Variants in RBM38 observed in about 807,000 individuals in gnomAD.
RBM38 encodes RNA-binding protein 38.
Under a neutral mutation model 23.5 loss-of-function variants are expected in RBM38, and 11 were observed. The ratio of observed to expected loss-of-function variants is 0.47; its 90% CI spans 0.29 to 0.77. The LOEUF (loss-of-function observed/expected upper bound fraction) is 0.77, where lower values mean the gene tolerates loss of function less well. Among genes scored for constraint, RBM38 ranks in the 30% least tolerant of loss-of-function variants. The pLI, the probability that RBM38 is intolerant of heterozygous loss-of-function variation, is 0.08. For missense variants in RBM38, 330 were observed against 351.9 expected (o/e 0.94, Z 0.50); for synonymous variants, 165 against 166.1 (o/e 0.99, Z 0.05).
intron 3 of RBM38, chr20:57,399,888 G>A (rs985849807): frequency 3.7e-5 from 17 of 456,250 alleles, no homozygotes; most frequent in African/African-American, 2.4e-4. Flanking sequence ...AGCAGGGAAA[G>A]TGAAATGGGC....
intron 3 of RBM38, among the ~76,000 whole-genome samples, chr20:57,399,161 T>G (rs1162378526): frequency 6.6e-6 from 1 of 152,086 alleles, no homozygotes; most frequent in Non-Finnish European, 1.5e-5. Context: ...CCGGGGAGGC[T>G]CAGGGCCCGA....
Position 57,408,625 on chromosome 20 carries a change from C to T in RBM38, c.*779C>T, listed in dbSNP as rs755400677. The T allele has an allele frequency of 2.0e-5, 3 of 152,114 alleles. No homozygotes were observed. Among genetic ancestry groups the T allele is most frequent in the African/African-American group, 7.2e-5 (3 of 41,408 alleles). The allele number at this position is 152,114 out of a possible 1,614,324, so 9.4% of individuals were successfully genotyped here. ...GAGACTTGCTTTTGTTGGTTCCGCCCGTGGAGACGACGATAGTGTTTCTGT... is the reference window on the plus strand; with the variant it reads ...GAGACTTGCTTTTGTTGGTTCCGCCTGTGGAGACGACGATAGTGTTTCTGT... On this transcript the variant is annotated 3_prime_UTR_variant, in exon 4 of 4. Coordinates refer to ENST00000356208, the MANE Select transcript of RBM38 (RefSeq NM_017495.6).
At chr20:57,406,867 A>G (rs1600760037) in intron 3 of RBM38, among the ~76,000 whole-genome samples, 1 of 151,824 alleles carries the variant, frequency 6.6e-6, no homozygotes, top group Admixed American at 6.6e-5. Flanking sequence ...GGTGGCGGGC[A>G]CCTGTAGTCC....
chr20:57,402,637 G>A (rs11905472), intron 3 of RBM38, among the ~76,000 whole-genome samples: 1 of 152,262 alleles, frequency 6.6e-6, no homozygotes, highest in East Asian at 1.9e-4. Flanking sequence ...TGAGCATGGC[G>A]TGTGAGTGGG....
chr20:57,408,105 C>G lies in RBM38; in HGVS notation c.*259C>G, dbSNP rs1055542785. ...TATTTAAAGACGCAATCCCAGGTTC[C>G]TTGCACACCATGGCAGCCTCTCCTT... On this transcript the variant is annotated 3_prime_UTR_variant, in exon 4 of 4. Coordinates refer to ENST00000356208, the MANE Select transcript of RBM38 (RefSeq NM_017495.6). 3.6e-6 allele frequency: 2 copies of G among 550,354 alleles called. No individual in the cohort carries two copies. The highest frequency in any genetic ancestry group is 6.5e-6 in the Non-Finnish European group (2 of 306,006). 34.1% of individuals were successfully genotyped at this position (550,354 alleles called of 1,614,324 possible). A position where few individuals can be genotyped will look rare whatever the true frequency, so the allele number is the denominator to read the frequency against.
intron 2 of RBM38, 139 bp downstream of exon 2, chr20:57,392,916 C>A: frequency 1.7e-6 from 2 of 1,159,742 alleles, no homozygotes; most frequent in Non-Finnish European, 2.4e-6. Flanking sequence ...CGGCACAGGG[C>A]AGCCATCCCC....
Position 57,401,495 on chromosome 20 carries a change from C to G in RBM38, c.417-6048C>G, listed in dbSNP as rs2067327778. On this transcript the variant is annotated intron_variant, in intron 3 of 3. Transcript: ENST00000356208. The stretch of plus-strand genomic sequence containing the variant: ...AAGCAGAGGCCATTCCACGGGGGGG[C>G]TCTTTTGCCTCCCAGCTACCTGCAA... Among the ~76,000 whole-genome samples the G allele has an allele frequency of 2.0e-5, 3 of 152,312 alleles. No individual in the cohort carries two copies. The South Asian group carries it at 6.2e-4, about 32-fold the overall frequency.
intron 3 of RBM38, among the ~76,000 whole-genome samples, chr20:57,403,966 G>A (rs1020050497): frequency 4.6e-5 from 7 of 152,180 alleles, no homozygotes; most frequent in East Asian, 1.9e-4. Context: ...GGCCCTTTAC[G>A]TACAGAAAGA....
At chr20:57,400,862 C>T (rs6025532) in intron 3 of RBM38, among the ~76,000 whole-genome samples, 18,331 of 152,108 alleles carry the variant, frequency 0.12, 3,531 homozygotes, top group African/African-American at 0.41. Context: ...GAAGGAGGCT[C>T]CTGCCCTCTC....
chr20:57,393,602 G>A (rs1056981525), intron 3 of RBM38, among the ~76,000 whole-genome samples: 6 of 152,322 alleles, frequency 3.9e-5, no homozygotes, highest in African/African-American at 1.4e-4. Flanking sequence ...TTCCTCACCC[G>A]TAAAATGGGA....
At chr20:57,404,725 T>C (rs2067364040) in intron 3 of RBM38, among the ~76,000 whole-genome samples, 1 of 152,198 alleles carries the variant, frequency 6.6e-6, no homozygotes, top group African/African-American at 2.4e-5. Context: ...GACAGAGCCA[T>C]CTCCCTGACA....
intron 2 of RBM38, 110 bp downstream of exon 2, chr20:57,392,887 T>G: frequency 6.9e-7 from 1 of 1,440,700 alleles, no homozygotes; most frequent in Non-Finnish European, 9.4e-7. Flanking sequence ...GGCAGTCGGC[T>G]ATCATGTGCC....
intron 3 of RBM38, among the ~76,000 whole-genome samples, chr20:57,399,229 C>T (rs963110130): frequency 7.2e-5 from 11 of 152,210 alleles, no homozygotes; most frequent in Non-Finnish European, 1.3e-4. Context: ...TGCTACATTC[C>T]TCCAAGTGAC....
At chr20:57,405,349 C>A (rs763135961) in intron 3 of RBM38, among the ~76,000 whole-genome samples, 2 of 152,224 alleles carry the variant, frequency 1.3e-5, no homozygotes, top group Admixed American at 6.5e-5. Flanking sequence ...GAATTCAAAC[C>A]CAGGCCTGGC....
chr20:57,401,752 G>A (rs566995086), intron 3 of RBM38, among the ~76,000 whole-genome samples: 9 of 152,322 alleles, frequency 5.9e-5, no homozygotes, highest in South Asian at 4.1e-4. Context: ...GGAAGGAGTC[G>A]AATCTGGGAA....
rs1040787781 is a variant in RBM38 at position 57,404,599 on chromosome 20, C to T, written c.417-2944C>T. 1.2e-4 allele frequency among the ~76,000 whole-genome samples: 18 copies of T among 152,256 alleles called. No individual in the cohort carries two copies. The Middle Eastern group carries it at 0.014, about 115-fold the overall frequency. On this transcript the variant is annotated intron_variant, in intron 3 of 3. Coordinates refer to ENST00000356208, the MANE Select transcript of RBM38 (RefSeq NM_017495.6). ...TCTGGGGCCCCCTGCCTCCGCTGGC[C>T]AGAGCTCCTCATCCTTCTCAGTGGG...
chr20:57,391,683 C>G lies in RBM38; in HGVS notation c.102C>G (p.Thr34=). The G allele has an allele frequency of 6.6e-7, 1 of 1,514,892 alleles. No homozygotes were observed. The highest frequency in any genetic ancestry group is 8.9e-7 in the Non-Finnish European group (1 of 1,128,934). 93.8% of individuals were successfully genotyped at this position (1,514,892 alleles called of 1,614,324 possible). ...MHGSQKDTTF[T]KIFVGGLPYH... ...GCTCGCAGAAGGACACCACGTTCAC[C>G]AAGATCTTCGTGGGCGGCCTGCCGT... Residue 34 remains threonine (T), a synonymous_variant, in exon 1 of 4, where the codon ACC becomes ACG. Transcript: ENST00000356208.
intron 2 of RBM38, 163 bp from the exon 3 acceptor site, chr20:57,393,116 T>C: frequency 1.4e-6 from 1 of 728,726 alleles, no homozygotes; most frequent in Non-Finnish European, 2.4e-6. Context: ...ACTTCAGCGG[T>C]GTGCCTTGGG....
Position 57,391,786 on chromosome 20 carries a change from C to A in RBM38, c.205C>A (p.Arg69Ser). The A allele has an allele frequency of 6.4e-7, 1 of 1,569,830 alleles. No individual in the cohort carries two copies. Reference protein sequence around the residue: ...DIEEAVVITDRQTGKSRGYGF... With the variant: ...DIEEAVVITDSQTGKSRGYGF... Reference sequence around the variant, plus strand: ...CGAGGAGGCCGTGGTCATCACCGACCGCCAGACGGGCAAGTCCCGCGGCTA... The same window carrying A: ...CGAGGAGGCCGTGGTCATCACCGACAGCCAGACGGGCAAGTCCCGCGGCTA... The change falls in exon 1 of 4, where the codon CGC becomes AGC. Residue 69 changes from arginine to serine, a missense_variant. By Grantham distance (110) the Arg-to-Ser change is moderately radical. Around this residue, in one of 3 missense-constraint regions of RBM38, gnomAD observed 95 missense variants for 111.9 expected, o/e 0.85. Transcript: ENST00000356208.
Sources: gnomAD v4.1 joint callset for allele counts (sites outside exome capture counted in the v4.1 genomes callset) on GRCh38, gnomAD v4.1.1 for gene constraint, gnomAD v4.1.1 regional missense constraint, MANE v1.5 for transcripts, NCBI Gene and HGNC (gene_info 2026-07-23, HGNC 2026-07-21) for gene names.